The following SDK2 variants were observed in gnomAD, a reference collection of about 807,000 sequenced individuals.
The protein encoded by SDK2 is sidekick cell adhesion molecule 2.
A neutral mutation model predicts 253.9 loss-of-function variants in SDK2; 105 were observed. The observed-to-expected ratio is 0.41, with a 90% CI of 0.35 to 0.49. The LOEUF is 0.49. Ranked by LOEUF, SDK2 falls within the 20% of genes least tolerant of loss-of-function variation. SDK2 has a pLI of 0.06. For missense variants in SDK2, 2,608 were observed against 3,003.0 expected (o/e 0.87, Z 3.07); for synonymous variants, 1,249 against 1,234.9 (o/e 1.01, Z -0.24).
chr17:73,456,070 G>A lies in SDK2; in HGVS notation c.332-17C>T. 6 of 1,468,858 alleles carry A rather than the reference G, an allele frequency of 4.1e-6. No homozygotes were observed. Among genetic ancestry groups the A allele is most frequent in the Non-Finnish European group, 5.4e-6 (6 of 1,101,830 alleles). The allele number at this position is 1,468,858 out of a possible 1,614,324, so 91.0% of individuals were successfully genotyped here. On this transcript the variant is annotated splice_polypyrimidine_tract_variant and intron_variant, in intron 3 of 44. Transcript: ENST00000392650. ...TCCCCATGTCTGCAGCCGGGACAAC[G>A]GCAGTAGGATCAGGGGCGGGAGGTC...
chr17:73,511,929 G>C lies in SDK2; in HGVS notation c.65-4332C>G, dbSNP rs965477000. On this transcript the variant is annotated intron_variant, in intron 1 of 44. Coordinates refer to ENST00000392650, the MANE Select transcript of SDK2 (RefSeq NM_001144952.2). This position sits in a 1 kb window ranked among gnomAD's most constrained non-coding sequence, Gnocchi z 4.9. ...TGTGTGCAGGTGTGTGTGTGTGCAG[G>C]TGTGTCTGCATGTATGTCCATGTGT... is the stretch of plus-strand genomic sequence containing the variant. Among the ~76,000 whole-genome samples the C allele has an allele frequency of 6.6e-6, 1 of 152,120 alleles. No individual in the cohort carries two copies. Among genetic ancestry groups the C allele is most frequent in the Non-Finnish European group, 1.5e-5 (1 of 68,016 alleles).
At chr17:73,553,497 G>A (rs770104678) in intron 1 of SDK2, among the ~76,000 whole-genome samples, 1 of 152,136 alleles carries the variant, frequency 6.6e-6, no homozygotes, top group Non-Finnish European at 1.5e-5. Flanking sequence ...AAGCCCTGCC[G>A]GCTGCACCTA....
At position 73,398,354 on chromosome 17, in the gene SDK2, C is replaced by T. The variant is rs2062990067; in HGVS notation, c.3169G>A (p.Glu1057Lys). The T allele has an allele frequency of 2.5e-6, 4 of 1,613,972 alleles. No individual in the cohort carries two copies. Among genetic ancestry groups the T allele is most frequent in the Non-Finnish European group, 3.4e-6 (4 of 1,179,866 alleles). Residue 1057 changes from glutamate (E) to lysine (K), a missense_variant, in exon 23 of 45, where the codon GAG becomes AAG. Glu to Lys is a moderately conservative substitution (Grantham distance 56, BLOSUM62 1). Coordinates refer to ENST00000392650, the MANE Select transcript of SDK2 (RefSeq NM_001144952.2). Reference sequence around the variant, plus strand: ...GTGAAGGGGTTGAGGTCGGGCACCTCCATGGAGCGGGCATCGGGCTCATTG... The same window carrying T: ...GTGAAGGGGTTGAGGTCGGGCACCTTCATGGAGCGGGCATCGGGCTCATTG... ...LSNEPDARSM[E>K]VPDLNPFTCY... is the part of the protein sequence containing the mutation.
chr17:73,615,352 C>T (rs1015801440), intron 1 of SDK2, among the ~76,000 whole-genome samples: 5 of 152,228 alleles, frequency 3.3e-5, no homozygotes, highest in Non-Finnish European at 7.3e-5. Context: ...GATGTCCCAA[C>T]GAAGTATGAG....
At chr17:73,601,795 G>C (rs1173940566) in intron 1 of SDK2, among the ~76,000 whole-genome samples, 1 of 151,956 alleles carries the variant, frequency 6.6e-6, no homozygotes, top group Non-Finnish European at 1.5e-5. Context: ...CCAGGCTGGA[G>C]TGCAGTGGCG....
In SDK2 at chr17:73,361,849, G is replaced by T; in HGVS notation, c.5306-4C>A. 6.3e-7 allele frequency: 1 copy of T among 1,576,860 alleles called. No homozygotes were observed. The highest frequency in any genetic ancestry group is 2.3e-5 in the East Asian group (1 of 43,324). ...ACGGTCACGATCTTGCTGACTCCTG[G>T]GGGAGGCACAGCAAGTGGGGACTGG... On this transcript the variant is annotated splice_region_variant and splice_polypyrimidine_tract_variant and intron_variant, in intron 38 of 44. Coordinates refer to ENST00000392650, the MANE Select transcript of SDK2 (RefSeq NM_001144952.2). The surrounding 1 kb of genome is among the most constrained non-coding windows in gnomAD (Gnocchi z 4.1).
chr17:73,408,051 T>TC lies in SDK2; in HGVS notation c.2485-5911_2485-5910insG, dbSNP rs1273643354. Among the ~76,000 whole-genome samples, 405 of 108,732 alleles carry TC rather than the reference T, an allele frequency of 3.7e-3. 10 individuals are homozygous for TC. The highest frequency in any genetic ancestry group is 0.012 in the African/African-American group (385 of 33,254). 71.3% of individuals were successfully genotyped at this position (108,732 alleles called of 152,430 possible). A position where few individuals can be genotyped will look rare whatever the true frequency, so the allele number is the denominator to read the frequency against. ...ATCTAGGAAGTAAAATATTTCCTTT[T>TC]TTTTTTTTTTTTTCTTTTGAGACAG... On this transcript the variant is annotated intron_variant, in intron 18 of 44. Transcript: ENST00000392650.
intron 1 of SDK2, among the ~76,000 whole-genome samples, chr17:73,626,495 T>G (rs1282735163): frequency 6.6e-6 from 1 of 152,108 alleles, no homozygotes; most frequent in Non-Finnish European, 1.5e-5. Context: ...AAAGGCCAAG[T>G]GGATTGGATT....
At chr17:73,376,559 G>A (rs749476590) in intron 36 of SDK2, among the ~76,000 whole-genome samples, 18 of 152,182 alleles carry the variant, frequency 1.2e-4, no homozygotes, top group South Asian at 2.1e-4. Context: ...CACTTTCTCC[G>A]TTCACATCCA....
At chr17:73,424,996 T>A (rs887728327) in intron 12 of SDK2, among the ~76,000 whole-genome samples, 1 of 152,106 alleles carries the variant, frequency 6.6e-6, no homozygotes, top group Non-Finnish European at 1.5e-5. Context: ...GAGGTGGGTG[T>A]ATCACCTGAG....
chr17:73,500,081 T>C (rs1398935903), intron 2 of SDK2, among the ~76,000 whole-genome samples: 1 of 149,782 alleles, frequency 6.7e-6, no homozygotes, highest in African/African-American at 2.5e-5. Flanking sequence ...CCATCCTCCC[T>C]CCATTCTCCT....
intron 39 of SDK2, among the ~76,000 whole-genome samples, chr17:73,358,986 G>A (rs1050991260): frequency 2.0e-5 from 3 of 152,004 alleles, no homozygotes; most frequent in African/African-American, 7.3e-5. Context: ...AGTGAGCCAG[G>A]TATCTGTCTG....
chr17:73,520,134 A>G (rs2064065423), intron 1 of SDK2: 2 of 152,296 alleles, frequency 1.3e-5, no homozygotes, highest in South Asian at 4.1e-4. Flanking sequence ...AGCACACACC[A>G]CACACACGCG....
chr17:73,350,547 G>A lies in SDK2; in HGVS notation c.5899+103C>T, dbSNP rs953425430. The stretch of plus-strand genomic sequence containing the variant: ...CTGCCCCACCCACCAGAGCAGGTGC[G>A]CTGCCAGGAGCCAGGAGAGGGACCT... On this transcript the variant is annotated intron_variant, in intron 42 of 44. Transcript: ENST00000392650. 30 of 1,419,438 alleles carry A rather than the reference G, an allele frequency of 2.1e-5. 1 individual carries two copies. The highest frequency in any genetic ancestry group is 1.6e-4 in the East Asian group (7 of 42,524). The allele number at this position is 1,419,438 out of a possible 1,614,324, so 87.9% of individuals were successfully genotyped here.
chr17:73,381,254 C>A (rs2062828489), intron 33 of SDK2, among the ~76,000 whole-genome samples: 1 of 152,142 alleles, frequency 6.6e-6, no homozygotes. Flanking sequence ...ACCCTCTCAC[C>A]CCAATTCTCT....
At chr17:73,510,476 C>G (rs2063971573) in intron 1 of SDK2, among the ~76,000 whole-genome samples, 1 of 152,140 alleles carries the variant, frequency 6.6e-6, no homozygotes, top group Admixed American at 6.5e-5. Context: ...TTCGACTGCT[C>G]CCTCTACGTC....
Position 73,387,833 on chromosome 17 carries a change from T to C in SDK2, c.4394+3A>G. On this transcript the variant is annotated splice_donor_region_variant and intron_variant, in intron 30 of 44. Coordinates refer to ENST00000392650, the MANE Select transcript of SDK2 (RefSeq NM_001144952.2). Reference sequence around the variant, plus strand: ...GGGATGCTGGCATGGACCCGAGCCTTACCTGTCCACAATGAAGCTGGAGGC... The same window carrying C: ...GGGATGCTGGCATGGACCCGAGCCTCACCTGTCCACAATGAAGCTGGAGGC... 6.4e-7 allele frequency: 1 copy of C among 1,565,064 alleles called. No homozygotes were observed. Among genetic ancestry groups the C allele is most frequent in the South Asian group, 1.2e-5 (1 of 84,910 alleles).
chr17:73,424,791 G>T (rs2063266111), intron 12 of SDK2, among the ~76,000 whole-genome samples: 1 of 152,208 alleles, frequency 6.6e-6, no homozygotes, highest in Admixed American at 6.5e-5. Flanking sequence ...TGGTGGCTGA[G>T]ATGCTTTGCA....
chr17:73,379,155 G>A lies in SDK2; in HGVS notation c.4980+22C>T. On this transcript the variant is annotated intron_variant, in intron 36 of 44. Transcript: ENST00000392650. The surrounding 1 kb of genome is among the most constrained non-coding windows in gnomAD (Gnocchi z 4.5). ...TGGCTTCTCATCCGTGCACCCCTTT[G>A]CTCTGCCCGAGGGCACCCTACCTTG... 6.5e-7 allele frequency: 1 copy of A among 1,534,864 alleles called. No homozygotes were observed. Among genetic ancestry groups the A allele is most frequent in the Middle Eastern group, 1.7e-4 (1 of 5,958 alleles).
Sources: gnomAD v4.1 joint callset for allele counts (sites outside exome capture counted in the v4.1 genomes callset) on GRCh38, gnomAD v4.1.1 for gene constraint, Gnocchi (gnomAD v3.1) non-coding constraint, MANE v1.5 for transcripts, NCBI Gene and HGNC (gene_info 2026-07-23, HGNC 2026-07-21) for gene names.